DNAJC5: variants seen among roughly 807,000 people sequenced by gnomAD.
DNAJC5 encodes the protein DnaJ heat shock protein family (Hsp40) member C5.
DNAJC5 carries 1 observed loss-of-function variant against 23.2 expected under a neutral mutation model. The observed-to-expected ratio is 0.04, with a 90% CI of 0.02 to 0.20. The LOEUF is 0.20. Among genes scored for constraint, DNAJC5 ranks in the 10% least tolerant of loss-of-function variants. The pLI is 1.00. For synonymous variants in DNAJC5, 136 were observed against 120.0 expected (o/e 1.13, Z -0.87); for missense variants, 180 against 267.0 (o/e 0.67, Z 2.27).
chr20:63,917,682 A>G (rs1186388472), intron 1 of DNAJC5, among the ~76,000 whole-genome samples: 1 of 152,018 alleles, frequency 6.6e-6, no homozygotes, highest in Non-Finnish European at 1.5e-5. Context: ...CAGCCTCCTG[A>G]GTAGCTGGGA....
At position 63,931,838 on chromosome 20, in the gene DNAJC5, A is replaced by G. The variant is rs1023927863; in HGVS notation, c.*270A>G. ...TCTGTTCCATGTCTGTGTTGTGGACATTCCGCGGCATGACCGCGTGAACTG... is the reference window on the plus strand; with the variant it reads ...TCTGTTCCATGTCTGTGTTGTGGACGTTCCGCGGCATGACCGCGTGAACTG... On this transcript the variant is annotated 3_prime_UTR_variant, in exon 5 of 5. Coordinates refer to ENST00000360864, the MANE Select transcript of DNAJC5 (RefSeq NM_025219.3). This position sits in a 1 kb window ranked among gnomAD's most constrained non-coding sequence, Gnocchi z 9.6. 31 of 504,944 alleles carry G rather than the reference A, an allele frequency of 6.1e-5. No individual in the cohort carries two copies. Among genetic ancestry groups the G allele is most frequent in the Non-Finnish European group, 1.1e-4 (30 of 274,688 alleles). The allele number at this position is 504,944 out of a possible 1,614,324, so 31.3% of individuals were successfully genotyped here.
chr20:63,905,240 T>C (rs188151637), intron 1 of DNAJC5, among the ~76,000 whole-genome samples: 3 of 149,720 alleles, frequency 2.0e-5, no homozygotes, highest in East Asian at 4.0e-4. Flanking sequence ...CTCAGCCTCC[T>C]GAGTAGCTGG....
At chr20:63,925,300 G>A (rs2053603308) in intron 1 of DNAJC5, among the ~76,000 whole-genome samples, 1 of 152,110 alleles carries the variant, frequency 6.6e-6, no homozygotes, top group African/African-American at 2.4e-5. Flanking sequence ...CCTGGTCAAT[G>A]TGGTGAAACC....
Position 63,931,543 on chromosome 20 carries a change from G to A in DNAJC5, c.572G>A (p.Ser191Asn). The A allele has an allele frequency of 1.3e-6, 2 of 1,581,238 alleles. No individual in the cohort carries two copies. The highest frequency in any genetic ancestry group is 8.6e-7 in the Non-Finnish European group (1 of 1,167,876). Reference sequence around the variant, plus strand: ...CAGCTCACAGCCGACTCCCACCCCAGCTACCACACTGACGGGTTCAACTAA... The same window carrying A: ...CAGCTCACAGCCGACTCCCACCCCAACTACCACACTGACGGGTTCAACTAA... ...TTQLTADSHPSYHTDGFN is the reference protein window; with the variant it reads ...TTQLTADSHPNYHTDGFN The change falls in exon 5 of 5, where the codon AGC becomes AAC. Residue 191 changes from serine (S) to asparagine (N), a missense_variant. Ser to Asn is a conservative substitution (Grantham distance 46). Around this residue, in one of 3 missense-constraint regions of DNAJC5, gnomAD observed 97 missense variants for 123.4 expected, o/e 0.79. Transcript: ENST00000360864. The surrounding 1 kb of genome is among the most constrained non-coding windows in gnomAD (Gnocchi z 9.6).
chr20:63,906,818 A>C (rs1448357260), intron 1 of DNAJC5, among the ~76,000 whole-genome samples: 1 of 151,806 alleles, frequency 6.6e-6, no homozygotes, highest in African/African-American at 2.4e-5. Context: ...AAAATATGAC[A>C]GTGGCCTGGG....
At chr20:63,930,731 GA>G in intron 3 of DNAJC5, 119 bp from the exon 4 acceptor site, 2 of 1,488,962 alleles carry the variant, frequency 1.3e-6, no homozygotes, top group Non-Finnish European at 1.9e-6. Context: ...TTCCTGTCTG[GA>G]AGGCAGTATC....
chr20:63,895,741 C>T (rs1328782809), intron 1 of DNAJC5, among the ~76,000 whole-genome samples: 3 of 152,164 alleles, frequency 2.0e-5, no homozygotes, highest in Admixed American at 1.3e-4. Context: ...ATAATTTAGT[C>T]CCTGGGTCGT....
At position 63,931,816 on chromosome 20, in the gene DNAJC5, G is replaced by T; in HGVS notation, c.*248G>T. The T allele has an allele frequency of 1.8e-6, 1 of 556,242 alleles. No individual in the cohort carries two copies. The highest frequency in any genetic ancestry group is 3.3e-6 in the Non-Finnish European group (1 of 306,254). 34.5% of individuals were successfully genotyped at this position (556,242 alleles called of 1,614,324 possible). A position where few individuals can be genotyped will look rare whatever the true frequency, so the allele number is the denominator to read the frequency against. On this transcript the variant is annotated 3_prime_UTR_variant, in exon 5 of 5. Transcript: ENST00000360864. This position sits in a 1 kb window ranked among gnomAD's most constrained non-coding sequence, Gnocchi z 9.6. ...TTTTTAATAGCATGTATGGGGTTCT[G>T]TTCCATGTCTGTGTTGTGGACATTC... is the stretch of plus-strand genomic sequence containing the variant.
chr20:63,911,339 T>C lies in DNAJC5; in HGVS notation c.-12+16016T>C, dbSNP rs112132259. On this transcript the variant is annotated intron_variant, in intron 1 of 4. Coordinates refer to ENST00000360864, the MANE Select transcript of DNAJC5 (RefSeq NM_025219.3). ...TCCTCAGGTGTGGCCGCTGGTCTTG[T>C]TGCTTCTTGACATTAACTTTGTGAC... 9.5e-3 allele frequency among the ~76,000 whole-genome samples: 1,444 copies of C among 152,306 alleles called. 22 individuals are homozygous for C. The highest frequency in any genetic ancestry group is 0.033 in the African/African-American group (1,352 of 41,554).
intron 1 of DNAJC5, among the ~76,000 whole-genome samples, chr20:63,899,684 T>G (rs1344080976): frequency 6.6e-6 from 1 of 151,954 alleles, no homozygotes; most frequent in Non-Finnish European, 1.5e-5. Flanking sequence ...TGGGTTCAAG[T>G]GATTCTTCTG....
intron 1 of DNAJC5, among the ~76,000 whole-genome samples, chr20:63,914,612 C>T (rs1456351992): frequency 5.4e-5 from 8 of 148,298 alleles, no homozygotes; most frequent in African/African-American, 1.3e-4. Flanking sequence ...CCACCGTGCC[C>T]GGCCTTTTTT....
chr20:63,907,416 T>C (rs189784335), intron 1 of DNAJC5, among the ~76,000 whole-genome samples: 4 of 152,342 alleles, frequency 2.6e-5, no homozygotes, highest in Non-Finnish European at 2.9e-5. Context: ...GACCGCTTTA[T>C]TCAAGCCAGC....
chr20:63,903,113 T>C (rs961912215), intron 1 of DNAJC5, among the ~76,000 whole-genome samples: 1 of 152,134 alleles, frequency 6.6e-6, no homozygotes, highest in African/African-American at 2.4e-5. Context: ...GCTGGGACTT[T>C]AGGTATGTGT....
intron 1 of DNAJC5, among the ~76,000 whole-genome samples, chr20:63,922,466 C>CA (rs71333725): frequency 0.41 from 47,870 of 117,032 alleles, 10,417 homozygotes; most frequent in East Asian, 0.82. Context: ...GACTCTGTCT[C>CA]AAAAAAAAAA....
At chr20:63,913,099 T>TCTGCACTGC (rs2053492944) in intron 1 of DNAJC5, among the ~76,000 whole-genome samples, 1 of 94,350 alleles carries the variant, frequency 1.1e-5, no homozygotes, top group African/African-American at 6.2e-5. Context: ...GTCTGCACTG[T>TCTGCACTGC]CTCTCCCAGA....
intron 1 of DNAJC5, among the ~76,000 whole-genome samples, chr20:63,918,560 A>G (rs965861344): frequency 3.3e-5 from 5 of 152,244 alleles, no homozygotes; most frequent in African/African-American, 2.4e-5. Flanking sequence ...AGACGGGATC[A>G]TGGTGTTTAT....
chr20:63,929,693 A>T lies in DNAJC5; in HGVS notation c.321+168A>T, dbSNP rs190651531. ...CTCCTGCCGTGCGGGCACCCGAGTCACTCCTGCCGTGCGGGCGCCCGAGTC... is the reference window on the plus strand; with the variant it reads ...CTCCTGCCGTGCGGGCACCCGAGTCTCTCCTGCCGTGCGGGCGCCCGAGTC... On this transcript the variant is annotated intron_variant, in intron 3 of 4. Coordinates refer to ENST00000360864, the MANE Select transcript of DNAJC5 (RefSeq NM_025219.3). This position sits in a 1 kb window ranked among gnomAD's most constrained non-coding sequence, Gnocchi z 8.6. 2.7e-3 allele frequency among the ~76,000 whole-genome samples: 301 copies of T among 109,936 alleles called. 6 individuals carry two copies. Among genetic ancestry groups the T allele is most frequent in the Non-Finnish European group, 3.6e-3 (186 of 51,336 alleles). 72.1% of individuals were successfully genotyped at this position (109,936 alleles called of 152,430 possible).
intron 1 of DNAJC5, among the ~76,000 whole-genome samples, chr20:63,922,707 C>T (rs998670698): frequency 6.6e-6 from 1 of 151,880 alleles, no homozygotes; most frequent in African/African-American, 2.4e-5. Flanking sequence ...GAGGTTGAGG[C>T]TGCCATGATC....
intron 1 of DNAJC5, among the ~76,000 whole-genome samples, chr20:63,902,643 C>A (rs928773867): frequency 6.9e-6 from 1 of 145,422 alleles, no homozygotes; most frequent in African/African-American, 2.5e-5. Context: ...GCTGGGATTA[C>A]AGGCGTGAGC....
Sources: gnomAD v4.1 joint callset for allele counts (sites outside exome capture counted in the v4.1 genomes callset) on GRCh38, gnomAD v4.1.1 for gene constraint, gnomAD v4.1.1 regional missense constraint, Gnocchi (gnomAD v3.1) non-coding constraint, MANE v1.5 for transcripts, NCBI Gene and HGNC (gene_info 2026-07-23, HGNC 2026-07-21) for gene names.